COL4A4: variants seen among roughly 807,000 people sequenced by gnomAD.
COL4A4 encodes the protein collagen type IV alpha 4 chain, also known as collagen alpha-4(IV) chain.
A neutral mutation model predicts 192.9 loss-of-function variants in COL4A4; 105 were observed. The ratio of observed to expected loss-of-function variants is 0.54; its 90% CI spans 0.46 to 0.64. The LOEUF (loss-of-function observed/expected upper bound fraction) is 0.64. COL4A4 is among the 30% of genes least tolerant of loss of function. The pLI is 0.00. For missense variants in COL4A4, 1,967 were observed against 2,169.3 expected (o/e 0.91, Z 1.85); for synonymous variants, 762 against 769.9 (o/e 0.99, Z 0.17).
chr2:227,109,294 T>A lies in COL4A4; in HGVS notation c.595-8A>T. On this transcript the variant is annotated splice_region_variant and splice_polypyrimidine_tract_variant and intron_variant, in intron 9 of 47. Coordinates refer to ENST00000396625, the MANE Select transcript of COL4A4 (RefSeq NM_000092.5). ...TCCTGCACCCCAAGATCCCTAAACATGAGAAAAATCAGTGCATCTGTTACC... is the reference window on the plus strand; with the variant it reads ...TCCTGCACCCCAAGATCCCTAAACAAGAGAAAAATCAGTGCATCTGTTACC... 6.2e-7 allele frequency: 1 copy of A among 1,613,144 alleles called. No homozygotes were observed. Among genetic ancestry groups the A allele is most frequent in the Non-Finnish European group, 8.5e-7 (1 of 1,179,082 alleles).
At chr2:227,122,870 A>G (rs371156063) in intron 4 of COL4A4, among the ~76,000 whole-genome samples, 16 of 150,816 alleles carry the variant, frequency 1.1e-4, no homozygotes, top group Non-Finnish European at 1.5e-5. Context: ...ATTTATTATT[A>G]TTATTTTTTT....
At chr2:227,137,219 C>T (rs929433434) in intron 4 of COL4A4, among the ~76,000 whole-genome samples, 2 of 152,190 alleles carry the variant, frequency 1.3e-5, no homozygotes, top group African/African-American at 4.8e-5. Context: ...CATGCAATGC[C>T]TTGCGCTTGT....
At position 227,099,625 on chromosome 2, in the gene COL4A4, A is replaced by T; in HGVS notation, c.1094T>A (p.Leu365His). The T allele has an allele frequency of 6.2e-7, 1 of 1,613,996 alleles. No individual in the cohort carries two copies. The highest frequency in any genetic ancestry group is 8.5e-7 in the Non-Finnish European group (1 of 1,179,886). ...PGVLVTPPLPLKGPPGDPGFP... is the reference protein window; with the variant it reads ...PGVLVTPPLPHKGPPGDPGFP... ...AACTGAATAGGAACACAAACCTTTG[A>T]GTGGAAGAGGTGGAGTCACCAAAAC... Residue 365 changes from leucine (L) to histidine (H), a missense_variant, in exon 18 of 48, where the codon CTC becomes CAC. Leu to His is a moderately conservative substitution (Grantham distance 99). Transcript: ENST00000396625.
intron 1 of COL4A4, among the ~76,000 whole-genome samples, chr2:227,163,720 T>C (rs1251505533): frequency 6.6e-6 from 1 of 152,232 alleles, no homozygotes; most frequent in African/African-American, 2.4e-5. Flanking sequence ...GAGAATAAGA[T>C]GGGCTTTCTC....
intron 42 of COL4A4, among the ~76,000 whole-genome samples, chr2:227,026,475 G>A (rs1296315712): frequency 6.6e-6 from 1 of 151,352 alleles, no homozygotes; most frequent in Non-Finnish European, 1.5e-5. Flanking sequence ...CTCCAGCCTG[G>A]GTGACAAAGC....
At chr2:227,032,888 G>C (rs1017429205) in intron 38 of COL4A4, among the ~76,000 whole-genome samples, 4 of 152,210 alleles carry the variant, frequency 2.6e-5, no homozygotes, top group African/African-American at 9.6e-5. Flanking sequence ...TTCTGAGAAA[G>C]TAACGCAACA....
chr2:227,162,526 C>A (rs2064922610), intron 1 of COL4A4, among the ~76,000 whole-genome samples: 1 of 152,194 alleles, frequency 6.6e-6, no homozygotes, highest in Non-Finnish European at 1.5e-5. Flanking sequence ...TCCAGAAGAA[C>A]CTTCCCTACC....
intron 25 of COL4A4, among the ~76,000 whole-genome samples, chr2:227,068,211 T>C (rs1319284126): frequency 6.6e-6 from 1 of 151,538 alleles, no homozygotes; most frequent in Non-Finnish European, 1.5e-5. Context: ...GGATCTGAAA[T>C]TGTGGCAATA....
Position 227,088,773 on chromosome 2 carries a change from G to C in COL4A4, c.1503C>G (p.Pro501=). 3 of 1,614,092 alleles carry C rather than the reference G, an allele frequency of 1.9e-6. No homozygotes were observed. The change falls in exon 22 of 48, where the codon CCC becomes CCG. Residue 501 remains proline (P), a synonymous_variant. Coordinates refer to ENST00000396625, the MANE Select transcript of COL4A4 (RefSeq NM_000092.5). The stretch of plus-strand genomic sequence containing the variant: ...TCCCAGGAAGTCCTGGAGGGCCAGG[G>C]GGGCCCATGGGTCCAGGCTCACAGG... ...LCACEPGPMG[P]PGPPGLPGRQ...
intron 1 of COL4A4, among the ~76,000 whole-genome samples, chr2:227,160,059 G>A (rs1480119654): frequency 1.3e-5 from 2 of 152,216 alleles, no homozygotes; most frequent in African/African-American, 4.8e-5. Context: ...CAAGAAGGAG[G>A]TCCCTGTGGG....
At chr2:227,100,065 T>C (rs183653532) in intron 17 of COL4A4, among the ~76,000 whole-genome samples, 34 of 152,372 alleles carry the variant, frequency 2.2e-4, no homozygotes, top group African/African-American at 7.9e-4. Flanking sequence ...GGTCCGAATC[T>C]ACATTTTATT....
At chr2:227,049,559 T>TA (rs1305638607) in intron 34 of COL4A4, among the ~76,000 whole-genome samples, 2 of 151,794 alleles carry the variant, frequency 1.3e-5, no homozygotes, top group South Asian at 2.1e-4. Context: ...ATAATAATAA[T>TA]AAAAAACCCA....
chr2:227,047,446 GT>G, intron 35 of COL4A4, 28 bp downstream of exon 35: 1 of 1,552,472 alleles, frequency 6.4e-7, no homozygotes, highest in Non-Finnish European at 8.9e-7. Flanking sequence ...TACTTTTTTT[GT>G]TTTAGTAAGA....
At chr2:226,986,276 G>A in the COL4A4 span, among the ~76,000 whole-genome samples, 4 of 152,028 alleles carry the variant, frequency 2.6e-5, no homozygotes, top group South Asian at 2.1e-4. Flanking sequence ...ATTGGACCCC[G>A]AACAGAAAAA....
chr2:227,098,592 C>T, intron 19 of COL4A4, 102 bp downstream of exon 19: 2 of 899,060 alleles, frequency 2.2e-6, no homozygotes, highest in Admixed American at 1.9e-5. Context: ...TTACACAATC[C>T]TAAGGTGATT....
At chr2:227,093,998 A>G (rs2060075599) in intron 20 of COL4A4, 127 bp downstream of exon 20, 2 of 850,744 alleles carry the variant, frequency 2.4e-6, no homozygotes, top group African/African-American at 1.7e-5. Flanking sequence ...TTTGTAAAAG[A>G]CAACCAACTT....
chr2:227,078,660 C>T (rs975336491), intron 24 of COL4A4, among the ~76,000 whole-genome samples: 3 of 152,178 alleles, frequency 2.0e-5, no homozygotes, highest in African/African-American at 7.2e-5. Context: ...TCAAACCATT[C>T]TCTAATATCA....
chr2:227,115,045 C>CGT (rs2061415473), intron 7 of COL4A4, among the ~76,000 whole-genome samples: 1 of 150,908 alleles, frequency 6.6e-6, no homozygotes, highest in South Asian at 2.1e-4. Context: ...AACAGTAAAA[C>CGT]GTATATATAT....
chr2:227,050,054 T>C lies in COL4A4; in HGVS notation c.3214+14A>G. On this transcript the variant is annotated intron_variant, in intron 34 of 47. Coordinates refer to ENST00000396625, the MANE Select transcript of COL4A4 (RefSeq NM_000092.5). ...ATGCATTTGACAGATGGCTTCTGTA[T>C]CTCCAAACCATACCTTTAGGTCCTC... 1 of 1,613,282 alleles carries C rather than the reference T, an allele frequency of 6.2e-7. No homozygotes were observed. The highest frequency in any genetic ancestry group is 8.5e-7 in the Non-Finnish European group (1 of 1,179,172).
Sources: gnomAD v4.1 joint callset for allele counts (sites outside exome capture counted in the v4.1 genomes callset) on GRCh38, gnomAD v4.1.1 for gene constraint, MANE v1.5 for transcripts, NCBI Gene and HGNC (gene_info 2026-07-23, HGNC 2026-07-21) for gene names.